The following ARF4 variants were observed in gnomAD, a reference collection of about 807,000 sequenced individuals.
ARF4 encodes the protein ARF GTPase 4, also known as ADP-ribosylation factor 4.
A neutral mutation model predicts 24.3 loss-of-function variants in ARF4; 5 were observed. The observed-to-expected ratio is 0.21, with a 90% confidence interval of 0.11 to 0.43. The LOEUF (loss-of-function observed/expected upper bound fraction) is 0.43, where lower values mean the gene tolerates loss of function less well. ARF4 is among the 20% of genes least tolerant of loss of function. The probability of loss-of-function intolerance (pLI) is 1.00; values close to 1 mark genes in which losing one functional copy is unlikely to be tolerated. For missense variants in ARF4, 107 were observed against 213.0 expected (o/e 0.50, Z 3.10); for synonymous variants, 62 against 73.5 (o/e 0.84, Z 0.80).
At position 57,572,445 on chromosome 3, in the gene ARF4, C is replaced by T. The variant is rs140456969; in HGVS notation, c.457-147G>A. The T allele has an allele frequency of 3.3e-3, 1,982 of 596,746 alleles. 13 individuals carry two copies. The highest frequency in any genetic ancestry group is 9.2e-3 in the Middle Eastern group (20 of 2,166). The allele number at this position is 596,746 out of a possible 1,614,324, so 37.0% of individuals were successfully genotyped here. On this transcript the variant is annotated intron_variant, in intron 5 of 5. Transcript: ENST00000303436. ...ATATTTAAAGCTACTTCTGGCTGGG[C>T]GTGGTGGCTCACACCTATAAATCCC... is the stretch of plus-strand genomic sequence containing the variant.
chr3:57,596,512 GC>G (rs1353284417), intron 1 of ARF4: 4 of 152,282 alleles, frequency 2.6e-5, no homozygotes, highest in Admixed American at 6.5e-5. Flanking sequence ...CAAAGTGAGC[GC>G]TGAAGGACTC....
chr3:57,583,546 A>G (rs2070001247), intron 3 of ARF4, among the ~76,000 whole-genome samples: 4 of 152,212 alleles, frequency 2.6e-5, no homozygotes, highest in Admixed American at 2.6e-4. Context: ...AAGGACTATC[A>G]ATTGTCTTAC....
At chr3:57,592,890 G>A (rs1028567812) in intron 1 of ARF4, among the ~76,000 whole-genome samples, 3 of 152,066 alleles carry the variant, frequency 2.0e-5, no homozygotes, top group Non-Finnish European at 4.4e-5. Context: ...AATTTTAGAG[G>A]AACAAAAACT....
At chr3:57,572,580 T>A (rs1388355609) in intron 5 of ARF4, among the ~76,000 whole-genome samples, 1 of 152,174 alleles carries the variant, frequency 6.6e-6, no homozygotes, top group Admixed American at 6.5e-5. Context: ...AATTATTTTT[T>A]AAAAATAAAG....
At chr3:57,575,807 C>G in intron 4 of ARF4, 134 bp from the exon 5 acceptor site, 1 of 990,654 alleles carries the variant, frequency 1.0e-6, no homozygotes, top group Non-Finnish European at 1.4e-6. Context: ...AAAGTTCACT[C>G]TTACAACTGA....
intron 3 of ARF4, among the ~76,000 whole-genome samples, chr3:57,581,183 G>A (rs971963742): frequency 2.0e-5 from 3 of 152,154 alleles, no homozygotes; most frequent in East Asian, 1.9e-4. Context: ...TTAGAAACAT[G>A]GTTAAAGCTA....
chr3:57,578,474 A>C (rs2069932189), intron 3 of ARF4, among the ~76,000 whole-genome samples: 3 of 117,750 alleles, frequency 2.5e-5, no homozygotes, highest in Middle Eastern at 9.7e-3. Context: ...ATCAATTCTT[A>C]GAGATACAAA....
At chr3:57,586,743 AAGG>A (rs2070041603) in intron 1 of ARF4, among the ~76,000 whole-genome samples, 1 of 152,190 alleles carries the variant, frequency 6.6e-6, no homozygotes, top group Non-Finnish European at 1.5e-5. Context: ...AATACATAAA[AAGG>A]AGCTACATTA....
At chr3:57,596,152 T>G (rs937880985) in intron 1 of ARF4, among the ~76,000 whole-genome samples, 2 of 152,090 alleles carry the variant, frequency 1.3e-5, no homozygotes, top group Non-Finnish European at 2.9e-5. Flanking sequence ...CTCCCTCAGC[T>G]GAGCAAAAAC....
rs1334898451 is a variant in ARF4 at position 57,594,254 on chromosome 3, G to A, written c.67+2820C>T. On this transcript the variant is annotated intron_variant, in intron 1 of 5. Transcript: ENST00000303436. ...AAAATAAACAAAATAAAATACAGAC[G>A]CTATTGCTTTATTTTTATTTTTTTC... Among the ~76,000 whole-genome samples, 4 of 152,072 alleles carry A rather than the reference G, an allele frequency of 2.6e-5. No individual in the cohort carries two copies. In the East Asian group the frequency reaches 7.7e-4, roughly 29 times the overall value.
intron 1 of ARF4, among the ~76,000 whole-genome samples, chr3:57,589,974 C>T (rs1410264986): frequency 6.7e-6 from 1 of 150,118 alleles, no homozygotes; most frequent in African/African-American, 2.5e-5. Flanking sequence ...GCCTGTAATC[C>T]CAGCTACTCG....
chr3:57,576,803 A>T (rs1446552436), intron 4 of ARF4, among the ~76,000 whole-genome samples: 1 of 152,138 alleles, frequency 6.6e-6, no homozygotes. Flanking sequence ...TGTGAACCAA[A>T]CATTTGTCTC....
chr3:57,593,158 C>T (rs746291023), intron 1 of ARF4, among the ~76,000 whole-genome samples: 3 of 152,142 alleles, frequency 2.0e-5, no homozygotes, highest in Non-Finnish European at 4.4e-5. Context: ...GAGCTATGAT[C>T]ATGCCACCTG....
chr3:57,579,463 T>C (rs564012757), intron 3 of ARF4, among the ~76,000 whole-genome samples: 1 of 152,002 alleles, frequency 6.6e-6, no homozygotes, highest in African/African-American at 2.4e-5. Flanking sequence ...AATTTTTGTA[T>C]TTTTAGTAGA....
chr3:57,577,730 A>G (rs2069923614), intron 3 of ARF4, among the ~76,000 whole-genome samples: 1 of 152,166 alleles, frequency 6.6e-6, no homozygotes, highest in South Asian at 2.1e-4. Context: ...AAGAAAAATA[A>G]CAAATCAAGG....
intron 4 of ARF4, 143 bp from the exon 5 acceptor site, chr3:57,575,816 GAA>G (rs1440472866): frequency 1.0e-5 from 9 of 893,322 alleles, no homozygotes; most frequent in Non-Finnish European, 1.4e-5. Flanking sequence ...TCTTACAACT[GAA>G]GTCTCATATC....
intron 3 of ARF4, among the ~76,000 whole-genome samples, chr3:57,582,759 A>AC (rs59207955): frequency 7.2e-6 from 1 of 139,444 alleles, no homozygotes; most frequent in Non-Finnish European, 1.6e-5. Flanking sequence ...AAAATTATTA[A>AC]GTAATAAAAA....
At position 57,588,226 on chromosome 3, in the gene ARF4, G is replaced by C. The variant is rs1370070010; in HGVS notation, c.68-3762C>G. ...CTGGAATACTTGTTCTCCTTAACTA[G>C]ACCTGCACTTTGACCAAAGTGTTAC... On this transcript the variant is annotated intron_variant, in intron 1 of 5. Coordinates refer to ENST00000303436, the MANE Select transcript of ARF4 (RefSeq NM_001660.4). Among the ~76,000 whole-genome samples, 4 of 152,132 alleles carry C rather than the reference G, an allele frequency of 2.6e-5. No homozygotes were observed. The South Asian group carries it at 8.3e-4, about 31-fold the overall frequency.
chr3:57,583,347 A>G (rs1190204677), intron 3 of ARF4, among the ~76,000 whole-genome samples: 6 of 152,182 alleles, frequency 3.9e-5, no homozygotes, highest in African/African-American at 1.4e-4. Flanking sequence ...GGGATTTTCA[A>G]AGGTCCCCAT....
Sources: gnomAD v4.1 joint callset for allele counts (sites outside exome capture counted in the v4.1 genomes callset) on GRCh38, gnomAD v4.1.1 for gene constraint, MANE v1.5 for transcripts, NCBI Gene and HGNC (gene_info 2026-07-23, HGNC 2026-07-21) for gene names.